Variants in MRC2 observed in about 807,000 individuals in gnomAD.
The protein encoded by MRC2 is C-type mannose receptor 2.
In MRC2, 84 loss-of-function variants were observed where a neutral mutation model predicts 206.2. The ratio of observed to expected loss-of-function variants is 0.41; its 90% CI spans 0.34 to 0.49. MRC2 has a LOEUF of 0.49. MRC2 is among the 20% of genes least tolerant of loss of function. The pLI, the probability that MRC2 is intolerant of heterozygous loss-of-function variation, is 0.31. For synonymous variants in MRC2, 798 were observed against 800.0 expected, an observed-to-expected ratio of 1.00 and a Z score of 0.04; for missense variants, 1,676 against 2,001.5, an observed-to-expected ratio of 0.84 and a Z score of 3.10.
chr17:62,638,653 G>A (rs1300470022), intron 1 of MRC2, among the ~76,000 whole-genome samples: 4 of 150,944 alleles, frequency 2.6e-5, no homozygotes, highest in South Asian at 4.2e-4. Context: ...TAGGAGTATC[G>A]CTTGAACCTG....
At position 62,667,978 on chromosome 17, in the gene MRC2, G is replaced by A. The variant is rs1022933910; in HGVS notation, c.1117+445G>A. 6.6e-6 allele frequency among the ~76,000 whole-genome samples: 1 copy of A among 152,226 alleles called. No homozygotes were observed. Among genetic ancestry groups the A allele is most frequent in the Admixed American group, 6.5e-5 (1 of 15,288 alleles). On this transcript the variant is annotated intron_variant, in intron 6 of 29. Coordinates refer to ENST00000303375, the MANE Select transcript of MRC2 (RefSeq NM_006039.5). The surrounding 1 kb of genome is among the most constrained non-coding windows in gnomAD (Gnocchi z 4.1). ...TGAGTCTAAGTTTAAAAGATATAAA[G>A]AGGTGTGGGGGAAGGGCATTCCTGG...
chr17:62,665,532 C>T (rs2088741430), intron 2 of MRC2, among the ~76,000 whole-genome samples: 1 of 151,886 alleles, frequency 6.6e-6, no homozygotes, highest in Admixed American at 6.6e-5. Context: ...AAGTATATAA[C>T]ATAAAATTAA....
chr17:62,652,517 C>A lies in MRC2; in HGVS notation c.119-12031C>A, dbSNP rs1202643194. 6.6e-6 allele frequency among the ~76,000 whole-genome samples: 1 copy of A among 152,226 alleles called. No homozygotes were observed. Among genetic ancestry groups the A allele is most frequent in the Non-Finnish European group, 1.5e-5 (1 of 68,042 alleles). The stretch of plus-strand genomic sequence containing the variant: ...GATCGTTGGCCCAGAAAGCCACTTC[C>A]TGCCGCGACTGGAGCCAGCCGTCGT... On this transcript the variant is annotated intron_variant, in intron 1 of 29. Transcript: ENST00000303375. The surrounding 1 kb of genome is among the most constrained non-coding windows in gnomAD (Gnocchi z 4.6).
chr17:62,636,614 A>G (rs1486461904), intron 1 of MRC2, among the ~76,000 whole-genome samples: 4 of 151,508 alleles, frequency 2.6e-5, no homozygotes, highest in Admixed American at 6.6e-5. Flanking sequence ...GATTACAGGC[A>G]CTCACCACCA....
chr17:62,677,569 A>T, intron 12 of MRC2, 83 bp downstream of exon 12: 1 of 1,259,926 alleles, frequency 7.9e-7, no homozygotes, highest in Non-Finnish European at 1.1e-6. Flanking sequence ...CAGTGGGACC[A>T]GCCACAATCC....
rs770217464 is a variant in MRC2 at position 62,672,051 on chromosome 17, G to C, written c.1360G>C (p.Glu454Gln). The change falls in exon 8 of 30, where the codon GAG becomes CAG. Residue 454 changes from glutamate (E) to glutamine (Q), a missense_variant. Glu to Gln is a conservative substitution (Grantham distance 29). Around this residue, in one of 3 missense-constraint regions of MRC2, gnomAD observed 1,354 missense variants for 1,636.6 expected, o/e 0.83. Coordinates refer to ENST00000303375, the MANE Select transcript of MRC2 (RefSeq NM_006039.5). This position sits in a 1 kb window ranked among gnomAD's most constrained non-coding sequence, Gnocchi z 4.5. ...CGATTTGAAACTGCAGATGAATTTT[G>C]AGTGGTCTGACGGGAGCCTTGTGAG... ...LNDLKLQMNFEWSDGSLVSFT... is the reference protein window; with the variant it reads ...LNDLKLQMNFQWSDGSLVSFT... 6.2e-7 allele frequency: 1 copy of C among 1,614,134 alleles called. No individual in the cohort carries two copies. Among genetic ancestry groups the C allele is most frequent in the Non-Finnish European group, 8.5e-7 (1 of 1,180,034 alleles).
chr17:62,647,236 T>G (rs532983304), intron 1 of MRC2, among the ~76,000 whole-genome samples: 1 of 148,088 alleles, frequency 6.8e-6, no homozygotes, highest in African/African-American at 2.5e-5. Context: ...CATGCTGGAG[T>G]ACAGTGGCAT....
chr17:62,640,685 ATT>A (rs869295016), intron 1 of MRC2, among the ~76,000 whole-genome samples: 17 of 135,068 alleles, frequency 1.3e-4, no homozygotes, highest in Admixed American at 1.5e-4. Context: ...CTAATATTTA[ATT>A]TTTTTTTTTT....
At chr17:62,687,780 G>A (rs2089050084) in intron 20 of MRC2, among the ~76,000 whole-genome samples, 1 of 152,100 alleles carries the variant, frequency 6.6e-6, no homozygotes, top group African/African-American at 2.4e-5. Context: ...CTACTGGGGA[G>A]GCTGAGGCAG....
chr17:62,674,139 G>C lies in MRC2; in HGVS notation c.1538G>C (p.Gly513Ala). The change falls in exon 9 of 30, where the codon GGG becomes GCG. Residue 513 changes from glycine to alanine, a missense_variant. By Grantham distance (60) the Gly-to-Ala change is moderately conservative. Transcript: ENST00000303375. The stretch of plus-strand genomic sequence containing the variant: ...AAGAAGGCAGGCCAGCTGAGCCAGG[G>C]GGCCGCCGAGGAGGACCATGGCTGC... ...ICKKAGQLSQ[G>A]AAEEDHGCRK... 1.9e-6 allele frequency: 3 copies of C among 1,553,490 alleles called. No homozygotes were observed. The highest frequency in any genetic ancestry group is 2.6e-6 in the Non-Finnish European group (3 of 1,148,196).
Position 62,667,769 on chromosome 17 carries a change from T to TA in MRC2, c.1117+237dup, listed in dbSNP as rs762323384. Among the ~76,000 whole-genome samples the TA allele has an allele frequency of 5.6e-4, 86 of 152,250 alleles. No individual in the cohort carries two copies. The highest frequency in any genetic ancestry group is 9.8e-4 in the Non-Finnish European group (67 of 68,040). ...GTTAAATGCTGGCAATACCCACTGT[T>TA]ACCTCGTAGAGACCACAGTCTGCTG... On this transcript the variant is annotated intron_variant, in intron 6 of 29. Coordinates refer to ENST00000303375, the MANE Select transcript of MRC2 (RefSeq NM_006039.5). This position sits in a 1 kb window ranked among gnomAD's most constrained non-coding sequence, Gnocchi z 4.1.
intron 1 of MRC2, among the ~76,000 whole-genome samples, chr17:62,645,514 T>C (rs2147442260): frequency 1.4e-5 from 1 of 68,988 alleles, no homozygotes; most frequent in South Asian, 5.0e-4. Context: ...TATATATATA[T>C]ATATATATAT....
Position 62,677,286 on chromosome 17 carries a change from T to G in MRC2, c.1852T>G (p.Cys618Gly). 1 of 1,602,796 alleles carries G rather than the reference T, an allele frequency of 6.2e-7. No homozygotes were observed. Among genetic ancestry groups the G allele is most frequent in the Non-Finnish European group, 8.5e-7 (1 of 1,175,048 alleles). Reference protein sequence around the residue: ...RDQPGYSRGGCVALATGSAMG... With the variant: ...RDQPGYSRGGGVALATGSAMG... ...TCCTTCAGGGTACAGCCGTGGGGGC[T>G]GCGTGGCGCTGGCCACTGGCAGCGC... Residue 618 changes from cysteine to glycine, a missense_variant, in exon 12 of 30, where the codon TGC becomes GGC. Around this residue, in one of 3 missense-constraint regions of MRC2, gnomAD observed 1,354 missense variants for 1,636.6 expected, o/e 0.83. Coordinates refer to ENST00000303375, the MANE Select transcript of MRC2 (RefSeq NM_006039.5).
At chr17:62,653,174 G>T (rs1198058918) in intron 1 of MRC2, among the ~76,000 whole-genome samples, 6 of 152,312 alleles carry the variant, frequency 3.9e-5, no homozygotes, top group African/African-American at 1.4e-4. Context: ...CCGCTCTCCA[G>T]TTCCTCCGGC....
chr17:62,659,965 G>A (rs1490082954), intron 1 of MRC2, among the ~76,000 whole-genome samples: 3 of 152,226 alleles, frequency 2.0e-5, no homozygotes, highest in Non-Finnish European at 2.9e-5. Flanking sequence ...AGGCAGAACT[G>A]TAGGTGCTGG....
chr17:62,650,734 G>A (rs544729571), intron 1 of MRC2, among the ~76,000 whole-genome samples: 2 of 152,218 alleles, frequency 1.3e-5, no homozygotes, highest in Non-Finnish European at 2.9e-5. Context: ...CATGGTTAAT[G>A]CCTGGCATTC....
Position 62,667,477 on chromosome 17 carries a change from C to T in MRC2, c.1061C>T (p.Ala354Val), listed in dbSNP as rs1276178109. 6 of 1,612,622 alleles carry T rather than the reference C, an allele frequency of 3.7e-6. No homozygotes were observed. The highest frequency in any genetic ancestry group is 5.1e-6 in the Non-Finnish European group (6 of 1,179,762). Reference protein sequence around the residue: ...GGWQNRDCSIALPYVCKKKPN... With the variant: ...GGWQNRDCSIVLPYVCKKKPN... ...TGGCAGAACCGTGACTGCAGCATCG[C>T]GCTGCCCTATGTGTGCAAGAAGAAG... Residue 354 changes from alanine to valine, a missense_variant, in exon 6 of 30, where the codon GCG becomes GTG. Physicochemically the swap from Ala to Val is moderately conservative, Grantham distance 64. Coordinates refer to ENST00000303375, the MANE Select transcript of MRC2 (RefSeq NM_006039.5). This position sits in a 1 kb window ranked among gnomAD's most constrained non-coding sequence, Gnocchi z 4.1.
intron 20 of MRC2, among the ~76,000 whole-genome samples, chr17:62,687,745 TG>T (rs1401787414): frequency 6.6e-6 from 1 of 151,922 alleles, no homozygotes; most frequent in African/African-American, 2.4e-5. Flanking sequence ...TAGCTGGGCA[TG>T]GTGGTGGGCG....
intron 1 of MRC2, among the ~76,000 whole-genome samples, chr17:62,631,225 C>T (rs115211446): frequency 1.3e-5 from 2 of 152,108 alleles, no homozygotes; most frequent in Non-Finnish European, 2.9e-5. Flanking sequence ...ACTGTCCATA[C>T]CCCCAGAGGG....
Sources: gnomAD v4.1 joint callset for allele counts (sites outside exome capture counted in the v4.1 genomes callset) on GRCh38, gnomAD v4.1.1 for gene constraint, gnomAD v4.1.1 regional missense constraint, Gnocchi (gnomAD v3.1) non-coding constraint, MANE v1.5 for transcripts, NCBI Gene and HGNC (gene_info 2026-07-23, HGNC 2026-07-21) for gene names.